The following SEMA6D variants were observed in gnomAD, a reference collection of about 807,000 sequenced individuals.
SEMA6D encodes semaphorin 6D.
Under a neutral mutation model 106.6 loss-of-function variants are expected in SEMA6D, and 35 were observed. That is an observed-to-expected ratio of 0.33 (90% CI 0.25 to 0.44). The LOEUF is 0.44. Among genes scored for constraint, SEMA6D ranks in the 20% least tolerant of loss-of-function variants. The probability of loss-of-function intolerance (pLI) is 1.00; values close to 1 mark genes in which losing one functional copy is unlikely to be tolerated. For missense variants in SEMA6D, 1,185 were observed against 1,345.9 expected, an observed-to-expected ratio of 0.88 and a Z score of 1.87; for synonymous variants, 499 against 487.7, an observed-to-expected ratio of 1.02 and a Z score of -0.31.
At chr15:47,710,567 T>C (rs2078996871) in intron 4 of SEMA6D, among the ~76,000 whole-genome samples, 1 of 152,118 alleles carries the variant, frequency 6.6e-6, no homozygotes, top group African/African-American at 2.4e-5. Flanking sequence ...ACAGAAACTC[T>C]TGGAGGAAAA....
intron 3 of SEMA6D, among the ~76,000 whole-genome samples, chr15:47,510,979 A>G (rs972762046): frequency 1.3e-5 from 2 of 152,250 alleles, no homozygotes; most frequent in African/African-American, 4.8e-5. Flanking sequence ...CAAGTACATT[A>G]TAACCTAATT....
At chr15:47,511,765 G>A (rs189247519) in intron 3 of SEMA6D, among the ~76,000 whole-genome samples, 2 of 152,222 alleles carry the variant, frequency 1.3e-5, no homozygotes, top group East Asian at 3.9e-4. Flanking sequence ...GACTTTAATG[G>A]TGAGGAGTCT....
chr15:47,312,674 T>C (rs564756582), intron 1 of SEMA6D, among the ~76,000 whole-genome samples: 1 of 152,274 alleles, frequency 6.6e-6, no homozygotes, highest in South Asian at 2.1e-4. Context: ...TTAACTTCTC[T>C]AATATCTATA....
At chr15:47,547,588 G>T (rs8027136) in intron 3 of SEMA6D, among the ~76,000 whole-genome samples, 65,496 of 151,906 alleles carry the variant, frequency 0.43, 15,440 homozygotes, top group Non-Finnish European at 0.53. Context: ...TAAAATGAAA[G>T]AAAATGTGTT....
chr15:47,516,995 G>A (rs1190766246), intron 3 of SEMA6D, among the ~76,000 whole-genome samples: 2 of 152,290 alleles, frequency 1.3e-5, no homozygotes, highest in East Asian at 1.9e-4. Context: ...TGAGTGCAGA[G>A]AGCTGCTTTC....
chr15:47,376,545 A>T (rs1174600509), intron 1 of SEMA6D, among the ~76,000 whole-genome samples: 5 of 152,064 alleles, frequency 3.3e-5, no homozygotes, highest in African/African-American at 1.2e-4. Context: ...GTCGCCTAAA[A>T]TTGCTACTGT....
intron 1 of SEMA6D, among the ~76,000 whole-genome samples, chr15:47,398,796 C>T (rs1462636653): frequency 6.6e-6 from 1 of 152,080 alleles, no homozygotes; most frequent in Non-Finnish European, 1.5e-5. Context: ...CAACCTGATG[C>T]CTTTGCCTTT....
chr15:47,627,837 T>A (rs1019541847), intron 4 of SEMA6D, among the ~76,000 whole-genome samples: 1 of 152,130 alleles, frequency 6.6e-6, no homozygotes, highest in Non-Finnish European at 1.5e-5. Flanking sequence ...TATAGACATA[T>A]CCAACCCTCC....
chr15:47,699,671 G>T (rs2145890299), intron 4 of SEMA6D, among the ~76,000 whole-genome samples: 1 of 152,196 alleles, frequency 6.6e-6, no homozygotes, highest in South Asian at 2.1e-4. Flanking sequence ...CAAAGGAAGG[G>T]GAATATTTGT....
chr15:47,770,391 G>A, intron 18 of SEMA6D, 106 bp from the exon 19 acceptor site: 4 of 915,174 alleles, frequency 4.4e-6, no homozygotes, highest in Non-Finnish European at 6.6e-6. Flanking sequence ...TCCGAGCTAA[G>A]CATATGAACC....
At chr15:47,724,118 A>G (rs1347617697) in intron 1 of SEMA6D, among the ~76,000 whole-genome samples, 2 of 152,216 alleles carry the variant, frequency 1.3e-5, no homozygotes, top group East Asian at 3.8e-4. Context: ...AGTTGTCTTT[A>G]TTTATCAGTA....
At chr15:47,666,995 T>A (rs1030234039) in intron 4 of SEMA6D, among the ~76,000 whole-genome samples, 1 of 152,054 alleles carries the variant, frequency 6.6e-6, no homozygotes, top group Non-Finnish European at 1.5e-5. Flanking sequence ...GGACTCAGCA[T>A]TGGAGTCACA....
chr15:47,230,255 A>C (rs2032099365), intron 1 of SEMA6D, among the ~76,000 whole-genome samples: 1 of 152,038 alleles, frequency 6.6e-6, no homozygotes. Flanking sequence ...CATTTAATAA[A>C]ATTTATTGTA....
intron 1 of SEMA6D, among the ~76,000 whole-genome samples, chr15:47,253,833 G>A (rs1308038709): frequency 6.6e-6 from 1 of 152,076 alleles, no homozygotes; most frequent in Non-Finnish European, 1.5e-5. Flanking sequence ...TTGGCTATCC[G>A]AGGTCTTTTG....
At chr15:47,313,639 A>C (rs1488609201) in intron 1 of SEMA6D, among the ~76,000 whole-genome samples, 1 of 152,090 alleles carries the variant, frequency 6.6e-6, no homozygotes, top group Non-Finnish European at 1.5e-5. Context: ...ATCATAGCTC[A>C]TTGTAACATC....
chr15:47,216,226 C>T (rs1380167235), intron 1 of SEMA6D, among the ~76,000 whole-genome samples: 1 of 152,074 alleles, frequency 6.6e-6, no homozygotes, highest in African/African-American at 2.4e-5. Flanking sequence ...CTTTAAGTAA[C>T]ACTTCAAGTT....
chr15:47,282,874 A>G (rs916258051), intron 1 of SEMA6D, among the ~76,000 whole-genome samples: 3 of 152,096 alleles, frequency 2.0e-5, no homozygotes, highest in Middle Eastern at 3.2e-3. Context: ...TTGGGCAGCA[A>G]AGTATGCTTT....
chr15:47,770,839 T>C lies in SEMA6D; in HGVS notation c.2276T>C (p.Met759Thr). The part of the protein sequence containing the change: ...PPNGDTKSMV[M>T]DHRGQPPELA... ...AATGGAGATACTAAATCCATGGTAA[T>C]GGACCATCGAGGGCAACCTCCAGAG... Residue 759 changes from methionine to threonine, a missense_variant, in exon 19 of 19, where the codon ATG becomes ACG. Around this residue, in one of 3 missense-constraint regions of SEMA6D, gnomAD observed 750 missense variants for 783.5 expected, o/e 0.96. Transcript: ENST00000536845. 6.2e-7 allele frequency: 1 copy of C among 1,614,026 alleles called. No homozygotes were observed. The highest frequency in any genetic ancestry group is 8.5e-7 in the Non-Finnish European group (1 of 1,180,000).
chr15:47,476,493 C>T (rs2043004162), intron 3 of SEMA6D, among the ~76,000 whole-genome samples: 1 of 152,156 alleles, frequency 6.6e-6, no homozygotes, highest in African/African-American at 2.4e-5. Context: ...GAATTATGTA[C>T]TATTTCTTCC....
Sources: gnomAD v4.1 joint callset for allele counts (sites outside exome capture counted in the v4.1 genomes callset) on GRCh38, gnomAD v4.1.1 for gene constraint, gnomAD v4.1.1 regional missense constraint, MANE v1.5 for transcripts, NCBI Gene and HGNC (gene_info 2026-07-23, HGNC 2026-07-21) for gene names.